Variants in INTS4 observed in about 807,000 individuals in gnomAD.
INTS4 encodes the protein integrator complex subunit 4.
Under a neutral mutation model 119.5 loss-of-function variants are expected in INTS4, and 70 were observed. That is an observed-to-expected ratio of 0.59 (90% CI 0.48 to 0.71). The LOEUF (loss-of-function observed/expected upper bound fraction) is 0.71. Ranked by LOEUF, INTS4 falls within the 30% of genes least tolerant of loss-of-function variation. INTS4 has a pLI of 0.00. For synonymous variants in INTS4, 316 were observed against 419.6 expected (o/e 0.75, Z 3.02); for missense variants, 867 against 1,173.2 (o/e 0.74, Z 3.81).
chr11:77,969,897 A>G (rs544393650), intron 4 of INTS4, among the ~76,000 whole-genome samples: 49 of 152,264 alleles, frequency 3.2e-4, no homozygotes, highest in African/African-American at 1.2e-3. Context: ...TTTAATATAA[A>G]CTGACTCATG....
intron 14 of INTS4, among the ~76,000 whole-genome samples, chr11:77,920,609 T>C (rs935875977): frequency 6.6e-6 from 1 of 151,914 alleles, no homozygotes; most frequent in African/African-American, 2.4e-5. Context: ...TCCCAGCACT[T>C]TGGGAGGCCG....
rs766856862 is a variant in INTS4 at position 77,907,733 on chromosome 11, T to C, written c.2000A>G (p.Gln667Arg). ...CAAACCAACCTTGATGAGAAGTAGT[T>C]GACAGCGAAGATAGGTGGCAGAGAA... ...ADFSATYLRC[Q>R]LLLIKALQEK... The change falls in exon 16 of 23, where the codon CAA becomes CGA. Residue 667 changes from glutamine to arginine, a missense_variant. By Grantham distance (43) the Gln-to-Arg change is conservative. This residue lies in a region of INTS4 where 262 missense variants were observed against 376.0 expected (regional missense o/e 0.70). Transcript: ENST00000534064. 28 of 1,613,488 alleles carry C rather than the reference T, an allele frequency of 1.7e-5. No homozygotes were observed. Among genetic ancestry groups the C allele is most frequent in the Non-Finnish European group, 2.3e-5 (27 of 1,179,558 alleles).
intron 8 of INTS4, among the ~76,000 whole-genome samples, chr11:77,943,276 G>GAAATAAATTT (rs1953971988): frequency 6.6e-6 from 1 of 152,178 alleles, no homozygotes; most frequent in Non-Finnish European, 1.5e-5. Flanking sequence ...AATTTTCAAT[G>GAAATAAATTT]TCACCTAAGA....
At chr11:77,937,211 A>C (rs1163761571) in intron 10 of INTS4, among the ~76,000 whole-genome samples, 7 of 150,598 alleles carry the variant, frequency 4.6e-5, no homozygotes, top group African/African-American at 1.7e-4. Flanking sequence ...AAATAATAGC[A>C]AAAAAAAAAT....
At chr11:77,963,678 G>C (rs1591116364) in intron 4 of INTS4, among the ~76,000 whole-genome samples, 2 of 151,990 alleles carry the variant, frequency 1.3e-5, no homozygotes, top group Admixed American at 6.6e-5. Context: ...ATTCAGCATC[G>C]ATATGGATTT....
chr11:77,926,833 G>A (rs1953516786), intron 11 of INTS4, among the ~76,000 whole-genome samples: 1 of 149,928 alleles, frequency 6.7e-6, no homozygotes, highest in African/African-American at 2.5e-5. Context: ...AAAAGGAAAG[G>A]AAAGGAAAGG....
At chr11:77,945,107 G>A (rs1400936641) in intron 8 of INTS4, among the ~76,000 whole-genome samples, 1 of 152,220 alleles carries the variant, frequency 6.6e-6, no homozygotes, top group South Asian at 2.1e-4. Flanking sequence ...GCACCACAGG[G>A]AAGGGAGTGA....
intron 4 of INTS4, among the ~76,000 whole-genome samples, chr11:77,962,780 G>A (rs1321966645): frequency 6.6e-6 from 1 of 151,708 alleles, no homozygotes; most frequent in Non-Finnish European, 1.5e-5. Flanking sequence ...GATTCTCAAA[G>A]TGAGTCACTA....
chr11:77,927,330 A>G (rs1953532901), intron 11 of INTS4, among the ~76,000 whole-genome samples: 1 of 152,238 alleles, frequency 6.6e-6, no homozygotes, highest in Non-Finnish European at 1.5e-5. Context: ...TCTCAGTAGA[A>G]GTGCTAAGCA....
chr11:77,905,020 G>C (rs963515447), intron 16 of INTS4, among the ~76,000 whole-genome samples: 2 of 152,110 alleles, frequency 1.3e-5, no homozygotes, highest in Non-Finnish European at 2.9e-5. Flanking sequence ...AGATTATTTT[G>C]TTTTACACAT....
chr11:77,878,811 T>G lies in INTS4; in HGVS notation c.*138A>C. ...TAATGAAGAAACAATTTATCCTGTG[T>G]TTGATACCAGATGAGACTGTAAGGG... On this transcript the variant is annotated 3_prime_UTR_variant, in exon 23 of 23. Coordinates refer to ENST00000534064, the MANE Select transcript of INTS4 (RefSeq NM_033547.4). The G allele has an allele frequency of 1.3e-6, 1 of 762,072 alleles. No individual in the cohort carries two copies. The highest frequency in any genetic ancestry group is 2.4e-6 in the Non-Finnish European group (1 of 421,888). The allele number at this position is 762,072 out of a possible 1,614,324, so 47.2% of individuals were successfully genotyped here.
intron 14 of INTS4, among the ~76,000 whole-genome samples, chr11:77,920,624 A>C (rs1355783875): frequency 6.6e-6 from 1 of 151,854 alleles, no homozygotes; most frequent in South Asian, 2.1e-4. Flanking sequence ...AGGCCGAGGC[A>C]GGCAGATCAC....
At chr11:77,880,309 C>T (rs1951741788) in intron 22 of INTS4, among the ~76,000 whole-genome samples, 2 of 152,170 alleles carry the variant, frequency 1.3e-5, no homozygotes, top group African/African-American at 4.8e-5. Flanking sequence ...CTCTATGGGT[C>T]AGAGTAGAGA....
At chr11:77,885,134 G>A (rs558334576) in intron 21 of INTS4, among the ~76,000 whole-genome samples, 117 of 152,086 alleles carry the variant, frequency 7.7e-4, no homozygotes, top group Non-Finnish European at 1.4e-3. Context: ...CTGAACTGCA[G>A]TGGCATGATC....
At chr11:77,908,663 G>T (rs1244986190) in intron 15 of INTS4, among the ~76,000 whole-genome samples, 1 of 152,114 alleles carries the variant, frequency 6.6e-6, no homozygotes, top group Admixed American at 6.5e-5. Flanking sequence ...ATATGGAATG[G>T]TTAATAAGGT....
At chr11:77,935,574 C>T (rs1329857477) in intron 10 of INTS4, among the ~76,000 whole-genome samples, 3 of 152,074 alleles carry the variant, frequency 2.0e-5, no homozygotes, top group Non-Finnish European at 2.9e-5. Context: ...AGAGGTCACA[C>T]AGGGCCTATA....
chr11:77,948,687 G>T (rs1417691202), intron 8 of INTS4, among the ~76,000 whole-genome samples: 1 of 130,380 alleles, frequency 7.7e-6, no homozygotes, highest in Non-Finnish European at 1.7e-5. Context: ...AAAAGAAGAA[G>T]AAGAAGAAGG....
chr11:77,903,412 A>G (rs1418974677), intron 17 of INTS4, 128 bp downstream of exon 17: 1 of 1,606,358 alleles, frequency 6.2e-7, no homozygotes, highest in African/African-American at 1.3e-5. Context: ...ACAAAGGGGC[A>G]GCTACATGCC....
At chr11:77,959,924 T>G (rs1236570659) in intron 6 of INTS4, among the ~76,000 whole-genome samples, 2 of 152,076 alleles carry the variant, frequency 1.3e-5, no homozygotes, top group African/African-American at 2.4e-5. Context: ...TACATGCATG[T>G]GACTTTTTTT....
Sources: gnomAD v4.1 joint callset for allele counts (sites outside exome capture counted in the v4.1 genomes callset) on GRCh38, gnomAD v4.1.1 for gene constraint, gnomAD v4.1.1 regional missense constraint, MANE v1.5 for transcripts, NCBI Gene and HGNC (gene_info 2026-07-23, HGNC 2026-07-21) for gene names.